Variants in TTC33 observed in about 807,000 individuals in gnomAD.
TTC33 encodes tetratricopeptide repeat protein 33.
Under a neutral mutation model 29.4 loss-of-function variants are expected in TTC33, and 24 were observed. The ratio of observed to expected loss-of-function variants is 0.82; its 90% CI spans 0.59 to 1.15. The LOEUF is 1.15. Ranked by LOEUF, TTC33 falls within the 50% of genes most tolerant of loss-of-function variation. The pLI, the probability that TTC33 is intolerant of heterozygous loss-of-function variation, is 0.00. For missense variants in TTC33, 286 were observed against 310.4 expected (o/e 0.92, Z 0.59); for synonymous variants, 107 against 100.3 (o/e 1.07, Z -0.40).
chr5:40,749,430 C>G (rs1280124776), intron 1 of TTC33, among the ~76,000 whole-genome samples: 3 of 149,434 alleles, frequency 2.0e-5, no homozygotes, highest in Non-Finnish European at 4.4e-5. Flanking sequence ...ATCAAATGAT[C>G]AACTAGAGAA....
chr5:40,718,410 A>T (rs547975034), intron 4 of TTC33, among the ~76,000 whole-genome samples: 47 of 151,840 alleles, frequency 3.1e-4, no homozygotes, highest in South Asian at 2.5e-3. Flanking sequence ...TGTCTCAAAA[A>T]AAATAAATAA....
intron 2 of TTC33, among the ~76,000 whole-genome samples, chr5:40,735,437 C>T (rs1411746774): frequency 6.6e-6 from 1 of 152,016 alleles, no homozygotes; most frequent in African/African-American, 2.4e-5. Context: ...TCAACTTGGA[C>T]TTGGTATGAG....
chr5:40,744,475 C>T (rs1051164175), intron 2 of TTC33, among the ~76,000 whole-genome samples: 19 of 139,726 alleles, frequency 1.4e-4, no homozygotes, highest in Non-Finnish European at 2.6e-4. Flanking sequence ...AATCTTATCA[C>T]CACTCTTACC....
chr5:40,752,443 T>C (rs1389972442), intron 1 of TTC33, among the ~76,000 whole-genome samples: 2 of 152,228 alleles, frequency 1.3e-5, no homozygotes, highest in Admixed American at 6.5e-5. Flanking sequence ...TAGCTTTTGA[T>C]TTAAAATGAG....
At chr5:40,751,962 A>G (rs921754373) in intron 1 of TTC33, among the ~76,000 whole-genome samples, 15 of 13,342 alleles carry the variant, frequency 1.1e-3, no homozygotes, top group Admixed American at 3.2e-3. Flanking sequence ...GTCTCAAAAG[A>G]AAAAAAAAAA....
intron 2 of TTC33, among the ~76,000 whole-genome samples, chr5:40,739,771 A>G (rs1408057590): frequency 6.6e-6 from 1 of 152,214 alleles, no homozygotes; most frequent in Non-Finnish European, 1.5e-5. Context: ...AGTTGTTTAT[A>G]GCAGTGTGAG....
rs373642628 is a variant in TTC33, at chr5:40,755,151, A to T, written c.-2+673T>A. On this transcript the variant is annotated intron_variant, in intron 1 of 4. Transcript: ENST00000337702. The stretch of plus-strand genomic sequence containing the variant: ...TCTAAATTCCTGTACTGTTACAAAG[A>T]TCCCTATAGTAGGCGCTCAACAACT... 1.2e-4 allele frequency among the ~76,000 whole-genome samples: 18 copies of T among 152,306 alleles called. No individual in the cohort carries two copies. In the East Asian group the frequency reaches 3.1e-3, roughly 26 times the overall value.
At chr5:40,746,249 G>A (rs1283496309) in intron 2 of TTC33, among the ~76,000 whole-genome samples, 1 of 152,090 alleles carries the variant, frequency 6.6e-6, no homozygotes, top group African/African-American at 2.4e-5. Context: ...AAAGAAAAAA[G>A]AAATGGGTGC....
chr5:40,718,599 G>A (rs1453833435), intron 4 of TTC33, among the ~76,000 whole-genome samples: 1 of 151,912 alleles, frequency 6.6e-6, no homozygotes, highest in Non-Finnish European at 1.5e-5. Flanking sequence ...AATTAGCTGG[G>A]CATGGTGGCA....
chr5:40,723,526 A>G (rs943923141), intron 4 of TTC33, among the ~76,000 whole-genome samples: 21 of 140,708 alleles, frequency 1.5e-4, no homozygotes, highest in African/African-American at 5.3e-4. Flanking sequence ...AAAAAAAAAA[A>G]AAGAAATATC....
rs146403724 is a variant in TTC33 at position 40,713,907 on chromosome 5, G to A, written c.*2238C>T. On this transcript the variant is annotated 3_prime_UTR_variant, in exon 5 of 5. Coordinates refer to ENST00000337702, the MANE Select transcript of TTC33 (RefSeq NM_012382.3). ...ATAATGGGTGCATTTTTCTCTTCAC[G>A]CATAGAAGAGTATGAGCTAAAATAA... Among the ~76,000 whole-genome samples the A allele has an allele frequency of 5.3e-4, 81 of 152,188 alleles. No homozygotes were observed. In the East Asian group the frequency reaches 0.011, roughly 21 times the overall value.
At chr5:40,729,625 A>C (rs1460099524) in intron 3 of TTC33, among the ~76,000 whole-genome samples, 1 of 152,220 alleles carries the variant, frequency 6.6e-6, no homozygotes. Context: ...TGCTAAGTCT[A>C]CTATATTTAA....
Position 40,723,510 on chromosome 5 carries a change from A to G in TTC33, c.435+4835T>C, listed in dbSNP as rs549656332. On this transcript the variant is annotated intron_variant, in intron 4 of 4. Coordinates refer to ENST00000337702, the MANE Select transcript of TTC33 (RefSeq NM_012382.3). ...AACAATTAAATAAAAGCTAACTCAA[A>G]TTAAAAAAAAAAAAAAAAGAAATAT... Among the ~76,000 whole-genome samples the G allele has an allele frequency of 3.1e-4, 25 of 81,238 alleles. No homozygotes were observed. In the South Asian group the frequency reaches 0.011, roughly 36 times the overall value. The allele number at this position is 81,238 out of a possible 152,430, so 53.3% of individuals were successfully genotyped here.
rs1017879760 is a variant in TTC33, at chr5:40,712,544, G to C, written c.*3601C>G. ...CAGATATTGAACTTAGAATTAGACA[G>C]ACCTGCTTACTAAGGCATGGGCAGT... On this transcript the variant is annotated 3_prime_UTR_variant, in exon 5 of 5. Coordinates refer to ENST00000337702, the MANE Select transcript of TTC33 (RefSeq NM_012382.3). Among the ~76,000 whole-genome samples the C allele has an allele frequency of 6.6e-5, 10 of 152,150 alleles. No homozygotes were observed. The highest frequency in any genetic ancestry group is 2.4e-4 in the African/African-American group (10 of 41,440).
intron 3 of TTC33, among the ~76,000 whole-genome samples, chr5:40,729,309 G>A (rs936862469): frequency 1.3e-5 from 2 of 152,130 alleles, no homozygotes; most frequent in Non-Finnish European, 2.9e-5. Flanking sequence ...TTGAGATCAC[G>A]ATTTGAAAAA....
intron 3 of TTC33, 30 bp from the exon 4 acceptor site, chr5:40,728,506 T>C: frequency 1.3e-6 from 2 of 1,557,588 alleles, no homozygotes; most frequent in South Asian, 1.2e-5. Flanking sequence ...AAAAAATCTG[T>C]CAGTAATATT....
intron 1 of TTC33, 82 bp from the exon 2 acceptor site, chr5:40,747,101 C>T: frequency 2.3e-6 from 3 of 1,279,656 alleles, no homozygotes; most frequent in Non-Finnish European, 3.2e-6. Context: ...TCTCGTTGCC[C>T]AGGCTGGAGT....
At chr5:40,745,712 G>A (rs1742777036) in intron 2 of TTC33, among the ~76,000 whole-genome samples, 1 of 150,558 alleles carries the variant, frequency 6.6e-6, no homozygotes, top group South Asian at 2.1e-4. Context: ...ACTGGAACTG[G>A]AATCATACTA....
At position 40,730,338 on chromosome 5, in the gene TTC33, C is replaced by A. The variant is rs374276458; in HGVS notation, c.227G>T (p.Arg76Leu). 5.6e-6 allele frequency: 9 copies of A among 1,611,756 alleles called. No homozygotes were observed. In the Middle Eastern group the frequency reaches 6.6e-4, roughly 118 times the overall value. Residue 76 changes from arginine (R) to leucine (L), a missense_variant, in exon 3 of 5, where the codon CGG becomes CTG. By Grantham distance (102) the Arg-to-Leu change is moderately radical. Transcript: ENST00000337702. ...GASLAENKRY[R>L]EAIQKWDEAL... Reference sequence around the variant, plus strand: ...TTCATCCCACTTCTGAATTGCCTCCCGATATCTGTGGTTGTTAAAGTTATA... The same window carrying A: ...TTCATCCCACTTCTGAATTGCCTCCAGATATCTGTGGTTGTTAAAGTTATA...
Sources: allele counts gnomAD v4.1 joint callset (sites outside exome capture counted in the v4.1 genomes callset), GRCh38; gene constraint gnomAD v4.1.1; transcripts MANE v1.5; gene names NCBI Gene and HGNC (gene_info 2026-07-23, HGNC 2026-07-21).